ROBO1: variants seen among roughly 807,000 people sequenced by gnomAD.
ROBO1 encodes roundabout guidance receptor 1.
A neutral mutation model predicts 195.9 loss-of-function variants in ROBO1; 149 were observed. The ratio of observed to expected loss-of-function variants is 0.76; its 90% CI spans 0.67 to 0.87. The LOEUF is 0.87. Among genes scored for constraint, ROBO1 ranks in the 40% least tolerant of loss-of-function variants. The probability of loss-of-function intolerance (pLI) is 0.00; values close to 1 mark genes in which losing one functional copy is unlikely to be tolerated. For synonymous variants in ROBO1, 816 were observed against 733.2 expected, an observed-to-expected ratio of 1.11 and a Z score of -1.82; for missense variants, 1,933 against 2,068.3, an observed-to-expected ratio of 0.93 and a Z score of 1.27.
chr3:79,683,810 A>G (rs1387271216), intron 1 of ROBO1, among the ~76,000 whole-genome samples: 1 of 151,998 alleles, frequency 6.6e-6, no homozygotes, highest in Non-Finnish European at 1.5e-5. Flanking sequence ...ATAATATTTC[A>G]TTGTTTGGAT....
chr3:79,105,596 G>A (rs1207890051), intron 3 of ROBO1, among the ~76,000 whole-genome samples: 1 of 151,592 alleles, frequency 6.6e-6, no homozygotes, highest in Non-Finnish European at 1.5e-5. Context: ...TCATGCCTGT[G>A]GTGAATAGTA....
intron 1 of ROBO1, among the ~76,000 whole-genome samples, chr3:79,644,845 G>T (rs951545673): frequency 2.6e-5 from 4 of 151,976 alleles, no homozygotes; most frequent in African/African-American, 9.7e-5. Context: ...CATAAAAGTA[G>T]AAATCACATC....
At chr3:78,642,351 A>G (rs1559685578) in intron 21 of ROBO1, among the ~76,000 whole-genome samples, 1 of 152,180 alleles carries the variant, frequency 6.6e-6, no homozygotes. Flanking sequence ...AACACTACAG[A>G]GTCCAGGAGC....
At chr3:78,909,693 A>T (rs1380673594) in intron 4 of ROBO1, among the ~76,000 whole-genome samples, 1 of 151,776 alleles carries the variant, frequency 6.6e-6, no homozygotes, top group African/African-American at 2.4e-5. Context: ...TTTTCTTTTG[A>T]AAAATGTAAT....
chr3:79,574,592 AC>A (rs912597726), intron 2 of ROBO1, among the ~76,000 whole-genome samples: 1 of 151,904 alleles, frequency 6.6e-6, no homozygotes, highest in Non-Finnish European at 1.5e-5. Context: ...CTTTACTTTT[AC>A]TTTTTATTGT....
chr3:78,636,795 T>C (rs989283312), intron 22 of ROBO1, among the ~76,000 whole-genome samples: 3 of 151,214 alleles, frequency 2.0e-5, no homozygotes, highest in Non-Finnish European at 3.0e-5. Context: ...AAAGGAATCA[T>C]AGTAACCTGG....
chr3:79,708,330 G>C (rs953415326), intron 1 of ROBO1, among the ~76,000 whole-genome samples: 3 of 152,088 alleles, frequency 2.0e-5, no homozygotes, highest in Non-Finnish European at 4.4e-5. Context: ...TCACAATATA[G>C]TATTCATTTT....
intron 3 of ROBO1, among the ~76,000 whole-genome samples, chr3:78,975,389 C>T (rs570682755): frequency 1.3e-5 from 2 of 151,930 alleles, no homozygotes; most frequent in Non-Finnish European, 2.9e-5. Context: ...TCAGTGGTTT[C>T]ATAAAAATAA....
intron 26 of ROBO1, among the ~76,000 whole-genome samples, chr3:78,621,728 TGTATAA>T (rs1704467007): frequency 6.6e-6 from 1 of 152,206 alleles, no homozygotes; most frequent in African/African-American, 2.4e-5. Context: ...TCTGAAATAA[TGTATAA>T]GTATATGACT....
chr3:79,108,479 TTAA>T (rs759068248), intron 3 of ROBO1, among the ~76,000 whole-genome samples: 13 of 151,832 alleles, frequency 8.6e-5, no homozygotes, highest in Non-Finnish European at 1.8e-4. Flanking sequence ...AAATATAATG[TTAA>T]TAACAATTTT....
In ROBO1 at chr3:79,401,515, C is replaced by T. The variant is rs568410729; in HGVS notation, c.88+188309G>A. On this transcript the variant is annotated intron_variant, in intron 2 of 30. Coordinates refer to ENST00000464233, the MANE Select transcript of ROBO1 (RefSeq NM_002941.4). ...CTTTGGGAATGGCTAATGTCACATA[C>T]ATGATTTTAGATGATGAAGAGGAAG... 9.2e-5 allele frequency among the ~76,000 whole-genome samples: 14 copies of T among 151,898 alleles called. No homozygotes were observed. The South Asian group carries it at 2.5e-3, about 27-fold the overall frequency.
chr3:79,009,192 G>A (rs1490948016), intron 3 of ROBO1, among the ~76,000 whole-genome samples: 1 of 142,612 alleles, frequency 7.0e-6, no homozygotes, highest in Non-Finnish European at 1.5e-5. Context: ...GACATCAGGT[G>A]ATCCACCCGC....
intron 2 of ROBO1, among the ~76,000 whole-genome samples, chr3:79,472,241 A>C (rs181773941): frequency 6.6e-5 from 10 of 152,254 alleles, no homozygotes; most frequent in South Asian, 2.1e-4. Flanking sequence ...CTTCATGGGC[A>C]ATTTCCCACA....
intron 2 of ROBO1, among the ~76,000 whole-genome samples, chr3:79,128,230 C>G (rs2080253751): frequency 6.6e-6 from 1 of 151,972 alleles, no homozygotes; most frequent in South Asian, 2.1e-4. Flanking sequence ...TTAGGGCTAC[C>G]CAGGCCTGAA....
At chr3:79,060,027 C>T (rs562154317) in intron 3 of ROBO1, among the ~76,000 whole-genome samples, 23 of 151,938 alleles carry the variant, frequency 1.5e-4, no homozygotes, top group African/African-American at 5.1e-4. Context: ...AAGGAGTAGC[C>T]CTGGGAAAGG....
At chr3:79,533,176 G>A (rs1941727158) in intron 2 of ROBO1, 1 of 328,232 alleles carries the variant, frequency 3.0e-6, no homozygotes. Context: ...AGGGAATACA[G>A]TATAAACTCT....
intron 3 of ROBO1, among the ~76,000 whole-genome samples, chr3:78,992,772 T>G (rs1036792393): frequency 4.6e-5 from 7 of 152,122 alleles, no homozygotes; most frequent in African/African-American, 1.7e-4. Context: ...CACAATATTA[T>G]CACACATTGT....
chr3:79,671,635 C>A (rs4856257), intron 1 of ROBO1, among the ~76,000 whole-genome samples: 91,501 of 151,622 alleles, frequency 0.6, 27,822 homozygotes, highest in South Asian at 0.69. Flanking sequence ...GTTGAACTTA[C>A]ATAGAAATGT....
At chr3:79,244,372 C>G (rs1351931410) in intron 2 of ROBO1, among the ~76,000 whole-genome samples, 1 of 151,992 alleles carries the variant, frequency 6.6e-6, no homozygotes, top group African/African-American at 2.4e-5. Context: ...CACTGACAGC[C>G]CTTAAAAGGA....
Sources: gnomAD v4.1 joint callset for allele counts (sites outside exome capture counted in the v4.1 genomes callset) on GRCh38, gnomAD v4.1.1 for gene constraint, MANE v1.5 for transcripts, NCBI Gene and HGNC (gene_info 2026-07-23, HGNC 2026-07-21) for gene names.